Variants in MAST1 observed in about 807,000 individuals in gnomAD.
The protein encoded by MAST1 is microtubule-associated serine/threonine-protein kinase 1.
A neutral mutation model predicts 124.6 loss-of-function variants in MAST1; 40 were observed. The ratio of observed to expected loss-of-function variants is 0.32; its 90% CI spans 0.25 to 0.42. The LOEUF (loss-of-function observed/expected upper bound fraction) is 0.42, where lower values mean the gene tolerates loss of function less well. Among genes scored for constraint, MAST1 ranks in the 10% least tolerant of loss-of-function variants. The probability of loss-of-function intolerance (pLI) is 1.00; values close to 1 mark genes in which losing one functional copy is unlikely to be tolerated. For synonymous variants in MAST1, 938 were observed against 939.4 expected, an observed-to-expected ratio of 1.00 and a Z score of 0.03; for missense variants, 1,558 against 2,181.9, an observed-to-expected ratio of 0.71 and a Z score of 5.70.
chr19:12,855,040 G>C (rs1357514447), intron 10 of MAST1, among the ~76,000 whole-genome samples: 1 of 152,036 alleles, frequency 6.6e-6, no homozygotes, highest in Non-Finnish European at 1.5e-5. Flanking sequence ...AGACCAGCCT[G>C]GCCAACATGG....
chr19:12,865,276 C>T lies in MAST1; in HGVS notation c.1639-40C>T, dbSNP rs1599588624. On this transcript the variant is annotated intron_variant, in intron 14 of 25. Transcript: ENST00000251472. The surrounding 1 kb of genome is among the most constrained non-coding windows in gnomAD (Gnocchi z 7.1). ...GGGGGCACAGCTCTCCCTTGAGGGC[C>T]CTCCTCTGGCTGGGGCGTGGGCTGA... 1 of 1,578,990 alleles carries T rather than the reference C, an allele frequency of 6.3e-7. No individual in the cohort carries two copies. Among genetic ancestry groups the T allele is most frequent in the Non-Finnish European group, 8.6e-7 (1 of 1,162,068 alleles).
At chr19:12,846,870 CAAAAAA>C (rs386388580) in intron 4 of MAST1, among the ~76,000 whole-genome samples, 2 of 47,382 alleles carry the variant, frequency 4.2e-5, no homozygotes, top group East Asian at 6.9e-4. Flanking sequence ...AACTCCATCT[CAAAAAA>C]AAAAAAAAAA....
In MAST1 at chr19:12,840,497, G is replaced by T. The variant is rs1969812166; in HGVS notation, c.135G>T (p.Thr45=). ...KSLILTSTSP[T]LPRPHSPLPG... ...TCATCCTGACCAGCACTTCACCCACGCTACCGAGACCCCACTCCCCGCTGC... is the reference window on the plus strand; with the variant it reads ...TCATCCTGACCAGCACTTCACCCACTCTACCGAGACCCCACTCCCCGCTGC... The change falls in exon 2 of 26, where the codon ACG becomes ACT. Residue 45 remains threonine (T), a synonymous_variant. Transcript: ENST00000251472. 3 of 1,614,024 alleles carry T rather than the reference G, an allele frequency of 1.9e-6. No homozygotes were observed. The highest frequency in any genetic ancestry group is 2.5e-6 in the Non-Finnish European group (3 of 1,179,942).
At position 12,865,979 on chromosome 19, in the gene MAST1, G is replaced by A; in HGVS notation, c.1907-1G>A. On this transcript the variant is annotated splice_acceptor_variant, in intron 16 of 25. Transcript: ENST00000251472. LOFTEE classifies it high-confidence loss of function. This position sits in a 1 kb window ranked among gnomAD's most constrained non-coding sequence, Gnocchi z 7.1. ...TGTGGCTGGAATCCCTTCCGTCCCA[G>A]GCGGCGCTTTTGAGGTGAAGCAGCA... 6.2e-7 allele frequency: 1 copy of A among 1,614,038 alleles called. No homozygotes were observed. The highest frequency in any genetic ancestry group is 8.5e-7 in the Non-Finnish European group (1 of 1,180,024).
At chr19:12,872,658 C>T (rs2242516) in intron 24 of MAST1, 51,667 of 152,016 alleles carry the variant, frequency 0.34, 9,329 homozygotes, top group East Asian at 0.63. Flanking sequence ...TTTGGGAGGC[C>T]GAGGTGGGTG....
At chr19:12,864,746 A>T in intron 12 of MAST1, 63 bp from the exon 13 acceptor site, 1 of 1,598,770 alleles carries the variant, frequency 6.3e-7, no homozygotes, top group Non-Finnish European at 8.5e-7. Context: ...AGTTGGTGCT[A>T]TGGTGCATGT....
At chr19:12,860,895 C>A (rs981860048) in intron 12 of MAST1, among the ~76,000 whole-genome samples, 1 of 152,158 alleles carries the variant, frequency 6.6e-6, no homozygotes, top group East Asian at 1.9e-4. Context: ...AGTCAACCAT[C>A]CAGTCACTCA....
intron 3 of MAST1, among the ~76,000 whole-genome samples, chr19:12,842,838 G>A (rs1969848505): frequency 6.6e-6 from 1 of 152,176 alleles, no homozygotes; most frequent in Non-Finnish European, 1.5e-5. Flanking sequence ...TGAGTACTGA[G>A]TGGAAGCACA....
chr19:12,852,070 T>C (rs1176205825), intron 8 of MAST1, 35 bp downstream of exon 8: 3 of 1,613,622 alleles, frequency 1.9e-6, no homozygotes, highest in Admixed American at 1.7e-5. Flanking sequence ...GGTGGGTTGG[T>C]AGACCCTGGG....
intron 12 of MAST1, among the ~76,000 whole-genome samples, chr19:12,859,507 C>T (rs1425844740): frequency 2.0e-5 from 3 of 152,136 alleles, no homozygotes; most frequent in East Asian, 1.9e-4. Flanking sequence ...CCACCTCAGC[C>T]TCCCAAATAC....
Position 12,866,136 on chromosome 19 carries a change from G to A in MAST1, c.2029+34G>A. 6.2e-7 allele frequency: 1 copy of A among 1,612,946 alleles called. No individual in the cohort carries two copies. Among genetic ancestry groups the A allele is most frequent in the Non-Finnish European group, 8.5e-7 (1 of 1,179,866 alleles). ...GGACACCAGGCACGACCTGGGTCGA[G>A]GGGTGGGATCCGGGAAGAGGGACCC... is the stretch of plus-strand genomic sequence containing the variant. On this transcript the variant is annotated intron_variant, in intron 17 of 25. Coordinates refer to ENST00000251472, the MANE Select transcript of MAST1 (RefSeq NM_014975.3). The surrounding 1 kb of genome is among the most constrained non-coding windows in gnomAD (Gnocchi z 5.2).
intron 4 of MAST1, among the ~76,000 whole-genome samples, chr19:12,845,503 G>C (rs980439199): frequency 1.3e-5 from 2 of 150,494 alleles, no homozygotes; most frequent in Non-Finnish European, 2.9e-5. Context: ...AAGATTGCTC[G>C]AGCCCAGGAG....
In MAST1 at chr19:12,865,679, C is replaced by T; in HGVS notation, c.1805-38C>T. ...AGATCCTGTGTCCAAACAACAACAA[C>T]AACAAAAACCGCCCCTAAGTTCCGT... On this transcript the variant is annotated intron_variant, in intron 15 of 25. Transcript: ENST00000251472. This position sits in a 1 kb window ranked among gnomAD's most constrained non-coding sequence, Gnocchi z 7.1. 1 of 1,556,520 alleles carries T rather than the reference C, an allele frequency of 6.4e-7. No homozygotes were observed. The highest frequency in any genetic ancestry group is 1.2e-5 in the South Asian group (1 of 86,116).
intron 24 of MAST1, among the ~76,000 whole-genome samples, chr19:12,871,605 T>TCAAACAAA (rs542155087): frequency 4.6e-5 from 7 of 150,590 alleles, no homozygotes; most frequent in African/African-American, 9.8e-5. Context: ...AGACTCCATC[T>TCAAACAAA]CAAACAAACA....
rs1970143570 is a variant in MAST1 at position 12,865,678 on chromosome 19, ACAAC to A, written c.1805-38_1805-35del. 3 of 1,553,178 alleles carry A rather than the reference ACAAC, an allele frequency of 1.9e-6. No individual in the cohort carries two copies. Among genetic ancestry groups the A allele is most frequent in the South Asian group, 2.3e-5 (2 of 86,070 alleles). The stretch of plus-strand genomic sequence containing the variant: ...GAGATCCTGTGTCCAAACAACAACA[ACAAC>A]AAAAACCGCCCCTAAGTTCCGTTTT... On this transcript the variant is annotated intron_variant, in intron 15 of 25. Coordinates refer to ENST00000251472, the MANE Select transcript of MAST1 (RefSeq NM_014975.3). This position sits in a 1 kb window ranked among gnomAD's most constrained non-coding sequence, Gnocchi z 7.1.
At position 12,873,447 on chromosome 19, in the gene MAST1, G is replaced by T. The variant is rs773110607; in HGVS notation, c.3387G>T (p.Thr1129=). 7.4e-6 allele frequency: 12 copies of T among 1,612,006 alleles called. No individual in the cohort carries two copies. The highest frequency in any genetic ancestry group is 3.4e-6 in the Non-Finnish European group (4 of 1,179,858). The change falls in exon 25 of 26, where the codon ACG becomes ACT. Residue 1129 remains threonine, a synonymous_variant. Transcript: ENST00000251472. ...GCGATAGTCTCCCGGGCTCGCCTAC[G>T]CACGGGCTGCCGGCGCGCTCGCCCA... ...SSSDSLPGSP[T]HGLPARSPTH...
chr19:12,839,638 T>C (rs1482147387), intron 1 of MAST1, among the ~76,000 whole-genome samples: 2 of 152,138 alleles, frequency 1.3e-5, no homozygotes, highest in African/African-American at 2.4e-5. Flanking sequence ...ATTCACACAA[T>C]AGATGCTACA....
intron 10 of MAST1, among the ~76,000 whole-genome samples, chr19:12,857,314 C>T (rs768893869): frequency 5.3e-5 from 8 of 152,134 alleles, no homozygotes; most frequent in Admixed American, 6.5e-5. Flanking sequence ...AGCTCCTGAC[C>T]TCAGGTGATC....
rs1969833622 is a variant in MAST1, at chr19:12,841,865, C to G, written c.248+799C>G. On this transcript the variant is annotated intron_variant, in intron 3 of 25. Transcript: ENST00000251472. This position sits in a 1 kb window ranked among gnomAD's most constrained non-coding sequence, Gnocchi z 4.3. ...TCCCTTGGGAAAGTGGGGGAACCGC[C>G]TATTGACCATGGAATTTAGCTGAGG... Among the ~76,000 whole-genome samples, 1 of 152,150 alleles carries G rather than the reference C, an allele frequency of 6.6e-6. No individual in the cohort carries two copies. The highest frequency in any genetic ancestry group is 1.5e-5 in the Non-Finnish European group (1 of 68,030).
Sources: gnomAD v4.1 joint callset for allele counts (sites outside exome capture counted in the v4.1 genomes callset) on GRCh38, gnomAD v4.1.1 for gene constraint, Gnocchi (gnomAD v3.1) non-coding constraint, MANE v1.5 for transcripts, NCBI Gene and HGNC (gene_info 2026-07-23, HGNC 2026-07-21) for gene names.